Variants in RSU1 observed in about 807,000 individuals in gnomAD.
RSU1 encodes the protein Ras suppressor protein 1, also known as rsu-1.
A neutral mutation model predicts 31.1 loss-of-function variants in RSU1; 26 were observed. The observed-to-expected ratio is 0.84, with a 90% CI of 0.61 to 1.16. The LOEUF (loss-of-function observed/expected upper bound fraction) is 1.16. Ranked by LOEUF, RSU1 falls within the 50% of genes most tolerant of loss-of-function variation. The probability of loss-of-function intolerance (pLI) is 0.00; values close to 1 mark genes in which losing one functional copy is unlikely to be tolerated. For synonymous variants in RSU1, 164 were observed against 136.3 expected, an observed-to-expected ratio of 1.20 and a Z score of -1.41; for missense variants, 320 against 339.1, an observed-to-expected ratio of 0.94 and a Z score of 0.44.
At chr10:16,727,957 A>G (rs1304235597) in intron 7 of RSU1, among the ~76,000 whole-genome samples, 2 of 152,166 alleles carry the variant, frequency 1.3e-5, no homozygotes, top group Non-Finnish European at 2.9e-5. Context: ...CTACAGAAAA[A>G]CTAAAAACTG....
intron 2 of RSU1, among the ~76,000 whole-genome samples, chr10:16,804,327 G>A (rs948269125): frequency 2.6e-5 from 4 of 152,234 alleles, no homozygotes; most frequent in African/African-American, 7.2e-5. Context: ...AAATGCTGGT[G>A]AGGATGTGGA....
chr10:16,762,747 G>A (rs1837234491), intron 4 of RSU1, among the ~76,000 whole-genome samples: 1 of 151,944 alleles, frequency 6.6e-6, no homozygotes, highest in Non-Finnish European at 1.5e-5. Context: ...TGGCAAATAC[G>A]GCCAGACGCA....
rs533649662 is a variant in RSU1 at position 16,745,526 on chromosome 10, A to T, written c.598+7013T>A. Among the ~76,000 whole-genome samples, 14 of 152,308 alleles carry T rather than the reference A, an allele frequency of 9.2e-5. No homozygotes were observed. The South Asian group carries it at 2.9e-3, about 32-fold the overall frequency. ...CAAGGAGAAGCAAGTCACATCTTAC[A>T]TGAATGGCAGGAGCCACAAGAGAGG... is the stretch of plus-strand genomic sequence containing the variant. On this transcript the variant is annotated intron_variant, in intron 7 of 8. Coordinates refer to ENST00000345264, the MANE Select transcript of RSU1 (RefSeq NM_012425.4).
At chr10:16,795,672 C>T (rs191597061) in intron 2 of RSU1, among the ~76,000 whole-genome samples, 18 of 152,258 alleles carry the variant, frequency 1.2e-4, no homozygotes, top group East Asian at 1.9e-4. Flanking sequence ...AATATGCCAC[C>T]GGTTGCATCC....
intron 8 of RSU1, among the ~76,000 whole-genome samples, chr10:16,669,373 T>TCCCC (rs771659861): frequency 1.9e-4 from 28 of 150,792 alleles, no homozygotes; most frequent in African/African-American, 5.9e-4. Flanking sequence ...CTGTTTTTTT[T>TCCCC]CCCCCCCCAA....
intron 2 of RSU1, among the ~76,000 whole-genome samples, chr10:16,806,523 G>T (rs1838270357): frequency 6.6e-6 from 1 of 152,094 alleles, no homozygotes; most frequent in African/African-American, 2.4e-5. Context: ...TACATTGTGA[G>T]GTTTGAAAGA....
chr10:16,792,721 C>T (rs1365747994), intron 2 of RSU1, among the ~76,000 whole-genome samples: 1 of 152,214 alleles, frequency 6.6e-6, no homozygotes, highest in Admixed American at 6.5e-5. Flanking sequence ...CACGTTAATG[C>T]AAATCATCCC....
At chr10:16,801,063 T>C (rs1838145312) in intron 2 of RSU1, among the ~76,000 whole-genome samples, 1 of 150,794 alleles carries the variant, frequency 6.6e-6, no homozygotes, top group Admixed American at 6.6e-5. Context: ...ACCAAACATA[T>C]CAATTATAAG....
intron 8 of RSU1, among the ~76,000 whole-genome samples, chr10:16,644,556 C>A (rs1314987174): frequency 6.6e-6 from 1 of 152,184 alleles, no homozygotes; most frequent in Non-Finnish European, 1.5e-5. Flanking sequence ...ACTTAAAGGT[C>A]TTGCTCAAGG....
At chr10:16,771,120 T>A (rs1353646524) in intron 3 of RSU1, among the ~76,000 whole-genome samples, 1 of 152,208 alleles carries the variant, frequency 6.6e-6, no homozygotes, top group African/African-American at 2.4e-5. Flanking sequence ...GTTATTTAGA[T>A]AACTTAGTAT....
At chr10:16,684,725 G>A (rs116861333) in intron 8 of RSU1, among the ~76,000 whole-genome samples, 241 of 152,132 alleles carry the variant, frequency 1.6e-3, no homozygotes, top group Non-Finnish European at 2.6e-3. Context: ...GCCGTTTGTG[G>A]TACTTGGTTA....
chr10:16,606,821 G>A (rs374118880), intron 8 of RSU1, among the ~76,000 whole-genome samples: 4 of 152,322 alleles, frequency 2.6e-5, no homozygotes, highest in East Asian at 1.9e-4. Flanking sequence ...ACAAACGGTA[G>A]AAGCATACCA....
intron 7 of RSU1, among the ~76,000 whole-genome samples, chr10:16,715,016 C>A (rs969459942): frequency 6.6e-6 from 1 of 152,190 alleles, no homozygotes; most frequent in Non-Finnish European, 1.5e-5. Flanking sequence ...AACAGCACCC[C>A]ATGACTGCCA....
At chr10:16,637,604 T>A (rs1416669283) in intron 8 of RSU1, among the ~76,000 whole-genome samples, 1 of 152,154 alleles carries the variant, frequency 6.6e-6, no homozygotes, top group Admixed American at 6.5e-5. Context: ...TTTGTTCTTT[T>A]AGTAAACCTT....
At chr10:16,809,703 T>C (rs1838362778) in intron 2 of RSU1, among the ~76,000 whole-genome samples, 1 of 152,248 alleles carries the variant, frequency 6.6e-6, no homozygotes, top group Non-Finnish European at 1.5e-5. Context: ...GGATCTCCTG[T>C]ATCTAGATTG....
intron 8 of RSU1, among the ~76,000 whole-genome samples, chr10:16,619,951 C>T (rs1834040229): frequency 6.6e-6 from 1 of 152,136 alleles, no homozygotes; most frequent in Non-Finnish European, 1.5e-5. Context: ...GTAACAATCA[C>T]AGGGTGCCAA....
chr10:16,708,199 C>A (rs765002456), intron 7 of RSU1, among the ~76,000 whole-genome samples: 2 of 152,058 alleles, frequency 1.3e-5, no homozygotes, highest in East Asian at 1.9e-4. Context: ...AGAAACCTTA[C>A]GGATAACATA....
Position 16,711,591 on chromosome 10 carries a change from G to A in RSU1, c.599-16436C>T, listed in dbSNP as rs564798482. Among the ~76,000 whole-genome samples, 5 of 152,186 alleles carry A rather than the reference G, an allele frequency of 3.3e-5. No homozygotes were observed. The East Asian group carries it at 7.7e-4, about 24-fold the overall frequency. ...TCACAGGTTTTGGTAAGATGTGTTTGCATTCTTGTTTGTCTCAAAGCAATT... is the reference window on the plus strand; with the variant it reads ...TCACAGGTTTTGGTAAGATGTGTTTACATTCTTGTTTGTCTCAAAGCAATT... On this transcript the variant is annotated intron_variant, in intron 7 of 8. Transcript: ENST00000345264.
intron 7 of RSU1, among the ~76,000 whole-genome samples, chr10:16,741,892 G>A (rs1305881594): frequency 6.6e-6 from 1 of 152,116 alleles, no homozygotes; most frequent in East Asian, 1.9e-4. Context: ...GTTTATTTGT[G>A]CAGCTGTTTC....
Sources: allele counts gnomAD v4.1 joint callset (sites outside exome capture counted in the v4.1 genomes callset), GRCh38; gene constraint gnomAD v4.1.1; transcripts MANE v1.5; gene names NCBI Gene and HGNC (gene_info 2026-07-23, HGNC 2026-07-21).